CPT1A: variants seen among roughly 807,000 people sequenced by gnomAD.
CPT1A encodes carnitine O-palmitoyltransferase 1, liver isoform.
In CPT1A, 64 loss-of-function variants were observed where a neutral mutation model predicts 100.8. The observed-to-expected ratio is 0.63, with a 90% CI of 0.52 to 0.78. The LOEUF (loss-of-function observed/expected upper bound fraction) is 0.78, where lower values mean the gene tolerates loss of function less well. Ranked by LOEUF, CPT1A falls within the 30% of genes least tolerant of loss-of-function variation. CPT1A has a pLI of 0.00. For missense variants in CPT1A, 802 were observed against 1,034.1 expected (o/e 0.78, Z 3.08); for synonymous variants, 363 against 396.0 (o/e 0.92, Z 0.99).
chr11:68,827,423 C>A (rs1307476639), intron 1 of CPT1A, among the ~76,000 whole-genome samples: 2 of 152,178 alleles, frequency 1.3e-5, no homozygotes, highest in African/African-American at 2.4e-5. Context: ...CATAAGATAA[C>A]CGCAAACACA....
intron 14 of CPT1A, among the ~76,000 whole-genome samples, chr11:68,769,866 TG>T (rs995903333): frequency 1.3e-5 from 2 of 152,044 alleles, no homozygotes; most frequent in Admixed American, 1.3e-4. Context: ...CTGGCCAACG[TG>T]GTGAAACTCC....
chr11:68,773,166 C>T (rs1355206042), intron 14 of CPT1A, 99 bp downstream of exon 14: 5 of 1,576,558 alleles, frequency 3.2e-6, no homozygotes, highest in East Asian at 2.3e-5. Flanking sequence ...TCTCCTATGC[C>T]GGGTTTCGGG....
intron 1 of CPT1A, among the ~76,000 whole-genome samples, chr11:68,827,477 C>T (rs1566387121): frequency 6.6e-6 from 1 of 152,256 alleles, no homozygotes; most frequent in East Asian, 1.9e-4. Context: ...CTGGAATCAA[C>T]AAATTTAACA....
At chr11:68,795,149 A>G (rs977481425) in intron 7 of CPT1A, among the ~76,000 whole-genome samples, 3 of 152,214 alleles carry the variant, frequency 2.0e-5, no homozygotes, top group Non-Finnish European at 4.4e-5. Flanking sequence ...AAAGATAACT[A>G]TTTGCACCAA....
At chr11:68,815,104 C>T (rs1218127908) in intron 2 of CPT1A, among the ~76,000 whole-genome samples, 1 of 152,186 alleles carries the variant, frequency 6.6e-6, no homozygotes, top group Admixed American at 6.5e-5. Context: ...GCCTCGATTT[C>T]CCAGCCTGCT....
intron 2 of CPT1A, among the ~76,000 whole-genome samples, chr11:68,814,859 C>A (rs1038157403): frequency 6.6e-6 from 1 of 151,716 alleles, no homozygotes; most frequent in Non-Finnish European, 1.5e-5. Context: ...CCTAATTTTT[C>A]TATTTTTTGT....
chr11:68,761,578 A>C lies in CPT1A; in HGVS notation c.1985T>G (p.Val662Gly), dbSNP rs770491096. 6.2e-7 allele frequency: 1 copy of C among 1,614,088 alleles called. No individual in the cohort carries two copies. ...GIDRHLFCLY[V>G]VSKYLAVESP... ...CTCCACAGCGAGATATTTAGACACC[A>C]CGTAAAGGCAGAAGAGGTGACGATC... The change falls in exon 16 of 19, where the codon GTG (valine) becomes GGG (glycine). Residue 662 changes from valine (V) to glycine (G), a missense_variant. Physicochemically the swap from Val to Gly is moderately radical, Grantham distance 109. Around this residue, in one of 4 missense-constraint regions of CPT1A, gnomAD observed 627 missense variants for 799.3 expected, o/e 0.78. Transcript: ENST00000265641.
chr11:68,832,386 G>C (rs1856901414), intron 1 of CPT1A, among the ~76,000 whole-genome samples: 2 of 152,192 alleles, frequency 1.3e-5, no homozygotes, highest in African/African-American at 4.8e-5. Context: ...GCAGGTGGAG[G>C]TTGCAGTGAG....
At position 68,781,866 on chromosome 11, in the gene CPT1A, C is replaced by G; in HGVS notation, c.1257G>C (p.Thr419=). 6.2e-7 allele frequency: 1 copy of G among 1,614,078 alleles called. No individual in the cohort carries two copies. Among genetic ancestry groups the G allele is most frequent in the Non-Finnish European group, 8.5e-7 (1 of 1,179,982 alleles). ...DAVEKAAFFV[T]LDETEEGYRS... ...TGTATCCTTCTTCAGTTTCATCTAA[C>G]GTCACAAAGAACGCTGCTTTCTCCA... Residue 419 remains threonine (T), a synonymous_variant, in exon 11 of 19, where the codon ACG becomes ACC. Transcript: ENST00000265641.
At chr11:68,804,241 A>T in intron 4 of CPT1A, 140 bp from the exon 5 acceptor site, 4 of 708,400 alleles carry the variant, frequency 5.6e-6, no homozygotes, top group Non-Finnish European at 1.0e-5. Flanking sequence ...AGACAAGGCT[A>T]TGTTAAAGAT....
intron 3 of CPT1A, among the ~76,000 whole-genome samples, chr11:68,808,273 T>C (rs915365362): frequency 6.6e-6 from 1 of 152,272 alleles, no homozygotes. Context: ...AAAACGGTCA[T>C]GTAAATATTC....
At chr11:68,779,485 A>G (rs57638434) in intron 12 of CPT1A, among the ~76,000 whole-genome samples, 12,262 of 112,302 alleles carry the variant, frequency 0.11, 858 homozygotes, top group African/African-American at 0.21. Flanking sequence ...CAGAGTAACG[A>G]ATTATTAAAA....
rs926534230 is a variant in CPT1A, at chr11:68,768,928, G to GA, written c.1740+4336dup. 6.6e-5 allele frequency among the ~76,000 whole-genome samples: 10 copies of GA among 152,006 alleles called. No homozygotes were observed. In the East Asian group the frequency reaches 1.4e-3, roughly 21 times the overall value. ...TGCCTCAGTCCACCCTCACCAACAT[G>GA]AAAAAAAGCCTTTACCAACCCCGTA... On this transcript the variant is annotated intron_variant, in intron 14 of 18. Transcript: ENST00000265641.
intron 14 of CPT1A, among the ~76,000 whole-genome samples, chr11:68,765,805 C>T (rs1854781563): frequency 6.6e-6 from 1 of 151,928 alleles, no homozygotes; most frequent in African/African-American, 2.4e-5. Flanking sequence ...TCTATCACAT[C>T]AAGTCAGGCC....
intron 1 of CPT1A, chr11:68,839,488 T>A (rs1481794027): frequency 2.2e-5 from 22 of 984,714 alleles, no homozygotes; most frequent in Non-Finnish European, 2.3e-5. Context: ...ACAGAGACCT[T>A]CCGGAGCGAG....
intron 1 of CPT1A, among the ~76,000 whole-genome samples, chr11:68,828,742 A>G (rs112926233): frequency 6.6e-6 from 1 of 151,694 alleles, no homozygotes; most frequent in Non-Finnish European, 1.5e-5. Flanking sequence ...GGCTTGGGCA[A>G]GCGTCCGCCT....
intron 10 of CPT1A, among the ~76,000 whole-genome samples, 166 bp downstream of exon 10, chr11:68,784,649 C>T (rs1855402903): frequency 6.6e-6 from 1 of 152,214 alleles, no homozygotes; most frequent in African/African-American, 2.4e-5. Flanking sequence ...CCACCATGTC[C>T]CCATTGCTCT....
intron 4 of CPT1A, among the ~76,000 whole-genome samples, chr11:68,806,631 A>C (rs1856054334): frequency 7.4e-6 from 1 of 134,312 alleles, no homozygotes. Flanking sequence ...CTGTCTCAAA[A>C]AGAAAAAAAA....
At chr11:68,788,630 T>TAAAAAAAAAAAAAAAAAAAAAAAAAAGAA in intron 9 of CPT1A, among the ~76,000 whole-genome samples, 4 of 27,542 alleles carry the variant, frequency 1.5e-4, no homozygotes, top group African/African-American at 1.4e-4. Flanking sequence ...CAAACAAAAG[T>TAAAAAAAAAAAAAAAAAAAAAAAAAAGAA]AAAAAAAAAA....
Sources: allele counts gnomAD v4.1 joint callset (sites outside exome capture counted in the v4.1 genomes callset), GRCh38; gene constraint gnomAD v4.1.1; regional missense constraint gnomAD v4.1.1; transcripts MANE v1.5; gene names NCBI Gene and HGNC (gene_info 2026-07-23, HGNC 2026-07-21).